The following ANKRD36C variants were observed in gnomAD, a reference collection of about 807,000 sequenced individuals.
The protein encoded by ANKRD36C is ankyrin repeat domain 36C.
Under a neutral mutation model 276.4 loss-of-function variants are expected in ANKRD36C, and 61 were observed. The observed-to-expected ratio is 0.22, with a 90% confidence interval of 0.18 to 0.27. The LOEUF is 0.27. ANKRD36C is among the 10% of genes least tolerant of loss of function. The pLI is 1.00. For missense variants in ANKRD36C, 1,447 were observed against 2,032.3 expected, an observed-to-expected ratio of 0.71 and a Z score of 5.54; for synonymous variants, 483 against 680.1, an observed-to-expected ratio of 0.71 and a Z score of 4.51.
At chr2:95,902,126 G>C (rs1343079286) in intron 42 of ANKRD36C, among the ~76,000 whole-genome samples, 2 of 149,680 alleles carry the variant, frequency 1.3e-5, no homozygotes, top group Admixed American at 6.7e-5. Flanking sequence ...CCAAGAGGTA[G>C]CTCCTTGAAC....
chr2:95,849,152 C>A (rs1415422796), downstream of ANKRD36C, among the ~76,000 whole-genome samples: 1 of 151,994 alleles, frequency 6.6e-6, no homozygotes, highest in Non-Finnish European at 1.5e-5. Flanking sequence ...CTCTGCCTCC[C>A]GGGTTCAAGT....
intron 6 of ANKRD36C, among the ~76,000 whole-genome samples, chr2:95,969,892 T>C (rs1431252430): frequency 6.6e-6 from 1 of 151,826 alleles, no homozygotes; most frequent in Non-Finnish European, 1.5e-5. Flanking sequence ...TGTGCCTAAT[T>C]TATGCATTAA....
At chr2:95,984,539 G>A (rs535454635) in intron 3 of ANKRD36C, among the ~76,000 whole-genome samples, 30 of 152,088 alleles carry the variant, frequency 2.0e-4, no homozygotes, top group Non-Finnish European at 2.9e-4. Flanking sequence ...TGTATGTAAC[G>A]CAAGTATTTT....
At chr2:95,961,284 T>G (rs4530407) in intron 8 of ANKRD36C, among the ~76,000 whole-genome samples, 129,981 of 151,876 alleles carry the variant, frequency 0.86, 56,003 homozygotes, top group African/African-American at 0.95. Context: ...TACATTTCTT[T>G]TATCCTCTAG....
intron 45 of ANKRD36C, 46 bp downstream of exon 65, chr2:95,891,786 A>G: frequency 1.3e-6 from 2 of 1,559,900 alleles, no homozygotes; most frequent in Non-Finnish European, 1.7e-6. Flanking sequence ...TATGTTTCAT[A>G]GACTATACAT....
Position 95,976,197 on chromosome 2 carries a change from C to T in ANKRD36C, c.799+1925G>A, listed in dbSNP as rs563811133. 9.2e-3 allele frequency among the ~76,000 whole-genome samples: 1,397 copies of T among 152,280 alleles called. 12 individuals carry two copies. The highest frequency in any genetic ancestry group is 0.014 in the Non-Finnish European group (970 of 68,022). On this transcript the variant is annotated intron_variant, in intron 6 of 66. Transcript: ENST00000456556. ...CTGTTGGTGGGACTGTAAACTAGTT[C>T]AACCATTGTGGAAGTCAGTGTGGCG...
chr2:95,860,003 G>C (rs1487641015), exon 61 of ANKRD36C: 1 of 1,548,096 alleles, frequency 6.5e-7, no homozygotes, highest in African/African-American at 1.4e-5. Context: ...TGCTCACAGT[G>C]ATTATCTTTA....
intron 44 of ANKRD36C, chr2:95,894,168 A>G (rs1485362595): frequency 9.2e-6 from 2 of 216,708 alleles, no homozygotes; most frequent in Admixed American, 1.1e-4. Context: ...AACTGCCAAT[A>G]ACTGAGAAGG....
At chr2:95,941,051 A>G (rs1677872837) in intron 20 of ANKRD36C, 109 bp downstream of exon 20, 1 of 915,578 alleles carries the variant, frequency 1.1e-6, no homozygotes, top group African/African-American at 1.7e-5. Flanking sequence ...AAGCATAGAA[A>G]ATTATTCAGC....
chr2:95,972,447 G>C (rs1449433065), intron 6 of ANKRD36C, among the ~76,000 whole-genome samples: 2 of 152,194 alleles, frequency 1.3e-5, no homozygotes, highest in Non-Finnish European at 2.9e-5. Context: ...CCACAGGAGA[G>C]GGCTCCCGGA....
intron 6 of ANKRD36C, among the ~76,000 whole-genome samples, chr2:95,976,874 AT>A (rs1323314444): frequency 2.6e-4 from 39 of 151,826 alleles, no homozygotes; most frequent in Non-Finnish European, 2.9e-5. Flanking sequence ...TTTTTGCAAC[AT>A]CACTTCCTCT....
rs370933112 is a variant in ANKRD36C, at chr2:95,987,723, G to A, written c.198-517C>T. ...TGCAAGCTCCGCTTCCCGGGTTCAC[G>A]ACATTCTCCTGCCTCAGCCTCCCGA... is the stretch of plus-strand genomic sequence containing the variant. On this transcript the variant is annotated intron_variant, in intron 1 of 66. Coordinates refer to ENST00000456556, the Ensembl canonical transcript of ANKRD36C. Among the ~76,000 whole-genome samples the A allele has an allele frequency of 8.1e-5, 12 of 147,390 alleles. No individual in the cohort carries two copies. The South Asian group carries it at 2.6e-3, about 31-fold the overall frequency.
chr2:95,859,665 T>C (rs1321997992), intron 61 of ANKRD36C, among the ~76,000 whole-genome samples, 196 bp downstream of exon 81: 2 of 152,194 alleles, frequency 1.3e-5, no homozygotes, highest in Non-Finnish European at 2.9e-5. Context: ...TTTAAAAGAA[T>C]ATGCATTTAA....
intron 17 of ANKRD36C, among the ~76,000 whole-genome samples, chr2:95,947,837 G>C (rs964948200): frequency 2.6e-4 from 39 of 152,118 alleles, no homozygotes; most frequent in Non-Finnish European, 1.3e-4. Context: ...TTTTAAATTA[G>C]AGATAAGCTC....
intron 44 of ANKRD36C, among the ~76,000 whole-genome samples, 159 bp downstream of exon 64, chr2:95,893,374 C>T (rs1476435052): frequency 6.6e-6 from 1 of 151,210 alleles, no homozygotes; most frequent in Non-Finnish European, 1.5e-5. Flanking sequence ...TCCAGACCAG[C>T]AGCATCAGCA....
intron 20 of ANKRD36C, among the ~76,000 whole-genome samples, chr2:95,939,691 C>A (rs1446037222): frequency 8.5e-5 from 11 of 129,662 alleles, no homozygotes; most frequent in African/African-American, 2.9e-4. Context: ...GGTGACAGAG[C>A]GAGACTCCGT....
chr2:95,897,280 T>A, intron 44 of ANKRD36C: 1 of 1,514,636 alleles, frequency 6.6e-7, no homozygotes, highest in Non-Finnish European at 8.9e-7. Flanking sequence ...CTCTCCTAGT[T>A]TTTTCTCCAT....
chr2:95,960,064 T>C (rs1678420391), intron 10 of ANKRD36C, among the ~76,000 whole-genome samples: 1 of 152,126 alleles, frequency 6.6e-6, no homozygotes, highest in South Asian at 2.1e-4. Flanking sequence ...CTTCTCATTC[T>C]ATAGTGTTTA....
In ANKRD36C at chr2:95,973,521, G is replaced by A. The variant is rs188182039; in HGVS notation, c.799+4601C>T. On this transcript the variant is annotated intron_variant, in intron 6 of 66. Transcript: ENST00000456556. ...CCATTGGCTATAATACTGTACTATCGATCATAGAGCTCATTTAATTTGTTT... is the reference window on the plus strand; with the variant it reads ...CCATTGGCTATAATACTGTACTATCAATCATAGAGCTCATTTAATTTGTTT... Among the ~76,000 whole-genome samples, 600 of 152,190 alleles carry A rather than the reference G, an allele frequency of 3.9e-3. 4 individuals are homozygous for A. Among genetic ancestry groups the A allele is most frequent in the African/African-American group, 0.013 (542 of 41,508 alleles).
Sources: gnomAD v4.1 joint callset for allele counts (sites outside exome capture counted in the v4.1 genomes callset) on GRCh38, gnomAD v4.1.1 for gene constraint, MANE v1.5 for transcripts, NCBI Gene and HGNC (gene_info 2026-07-23, HGNC 2026-07-21) for gene names.